Variants in KIRREL3 observed in about 807,000 individuals in gnomAD.
KIRREL3 encodes the protein kin of IRRE-like protein 3.
KIRREL3 carries 36 observed loss-of-function variants against 89.7 expected under a neutral mutation model. The observed-to-expected ratio is 0.40, with a 90% CI of 0.31 to 0.53. The LOEUF (loss-of-function observed/expected upper bound fraction) is 0.53, where lower values mean the gene tolerates loss of function less well. Among genes scored for constraint, KIRREL3 ranks in the 20% least tolerant of loss-of-function variants. The pLI is 0.49. For missense variants in KIRREL3, 864 were observed against 1,056.6 expected, an observed-to-expected ratio of 0.82 and a Z score of 2.53; for synonymous variants, 445 against 441.4, an observed-to-expected ratio of 1.01 and a Z score of -0.10.
Position 126,587,085 on chromosome 11 carries a change from G to A in KIRREL3, c.56-24173C>T, listed in dbSNP as rs149339548. 1.3e-5 allele frequency among the ~76,000 whole-genome samples: 2 copies of A among 152,300 alleles called. No individual in the cohort carries two copies. Among genetic ancestry groups the A allele is most frequent in the African/African-American group, 4.8e-5 (2 of 41,554 alleles). On this transcript the variant is annotated intron_variant, in intron 1 of 16. Coordinates refer to ENST00000525144, the MANE Select transcript of KIRREL3 (RefSeq NM_032531.4). This position sits in a 1 kb window ranked among gnomAD's most constrained non-coding sequence, Gnocchi z 5.2. ...GAGAGATGAATAAACAGGCAACGAC[G>A]ATGCAGTGTGATGGATGCTCCAGTG...
In KIRREL3 at chr11:126,946,204, T is replaced by A. The variant is rs1948615943; in HGVS notation, c.55+54251A>T. On this transcript the variant is annotated intron_variant, in intron 1 of 16. Coordinates refer to ENST00000525144, the MANE Select transcript of KIRREL3 (RefSeq NM_032531.4). The surrounding 1 kb of genome is among the most constrained non-coding windows in gnomAD (Gnocchi z 4.1). Reference sequence around the variant, plus strand: ...GATGCCAGAATTCAAGTTTCAGTTTTTCCCCTTAAAATGACCCTAAATCCC... The same window carrying A: ...GATGCCAGAATTCAAGTTTCAGTTTATCCCCTTAAAATGACCCTAAATCCC... 6.7e-6 allele frequency among the ~76,000 whole-genome samples: 1 copy of A among 149,792 alleles called. No individual in the cohort carries two copies.
rs1364509600 is a variant in KIRREL3 at position 126,769,783 on chromosome 11, G to A, written c.56-206871C>T. Among the ~76,000 whole-genome samples the A allele has an allele frequency of 1.3e-5, 2 of 152,192 alleles. No individual in the cohort carries two copies. Among genetic ancestry groups the A allele is most frequent in the Admixed American group, 6.5e-5 (1 of 15,276 alleles). On this transcript the variant is annotated intron_variant, in intron 1 of 16. Coordinates refer to ENST00000525144, the MANE Select transcript of KIRREL3 (RefSeq NM_032531.4). The surrounding 1 kb of genome is among the most constrained non-coding windows in gnomAD (Gnocchi z 4.3). The stretch of plus-strand genomic sequence containing the variant: ...TCCAGCTGGGGTTCTGGAATCAGAC[G>A]ACGCAGATATGGGTCTGAATATTGG...
At chr11:126,540,228 G>C (rs1938252161) in intron 2 of KIRREL3, among the ~76,000 whole-genome samples, 1 of 152,194 alleles carries the variant, frequency 6.6e-6, no homozygotes, top group Non-Finnish European at 1.5e-5. Context: ...GCTTGATTCT[G>C]ATACACACGT....
chr11:126,719,416 C>T lies in KIRREL3; in HGVS notation c.56-156504G>A, dbSNP rs983904944. Among the ~76,000 whole-genome samples the T allele has an allele frequency of 1.3e-5, 2 of 152,212 alleles. No homozygotes were observed. The highest frequency in any genetic ancestry group is 4.8e-5 in the African/African-American group (2 of 41,442). On this transcript the variant is annotated intron_variant, in intron 1 of 16. Coordinates refer to ENST00000525144, the MANE Select transcript of KIRREL3 (RefSeq NM_032531.4). The surrounding 1 kb of genome is among the most constrained non-coding windows in gnomAD (Gnocchi z 4.7). ...AGTTCCTCCCCATCTCTATTATTCCCAAATGTTGGAGGACCTCAGGGCTTC... is the reference window on the plus strand; with the variant it reads ...AGTTCCTCCCCATCTCTATTATTCCTAAATGTTGGAGGACCTCAGGGCTTC...
intron 1 of KIRREL3, among the ~76,000 whole-genome samples, chr11:126,871,440 G>A (rs1945105195): frequency 6.6e-6 from 1 of 152,090 alleles, no homozygotes; most frequent in African/African-American, 2.4e-5. Flanking sequence ...CTTCATATTT[G>A]CACAAAACTC....
intron 1 of KIRREL3, among the ~76,000 whole-genome samples, chr11:126,868,220 C>G (rs951741141): frequency 2.0e-5 from 3 of 152,180 alleles, no homozygotes; most frequent in Middle Eastern, 3.2e-3. Context: ...AAAAACATTC[C>G]TGTTACGAAG....
In KIRREL3 at chr11:126,817,771, C is replaced by T. The variant is rs1951622758; in HGVS notation, c.55+182684G>A. ...GCATTTGTAGGGCAGCTGGAATAAA[C>T]ATGTGATGGACCCATATCTAGAGGT... On this transcript the variant is annotated intron_variant, in intron 1 of 16. Coordinates refer to ENST00000525144, the MANE Select transcript of KIRREL3 (RefSeq NM_032531.4). The surrounding 1 kb of genome is among the most constrained non-coding windows in gnomAD (Gnocchi z 5.7). 1.3e-5 allele frequency among the ~76,000 whole-genome samples: 2 copies of T among 152,212 alleles called. No individual in the cohort carries two copies. Among genetic ancestry groups the T allele is most frequent in the African/African-American group, 4.8e-5 (2 of 41,464 alleles).
In KIRREL3 at chr11:126,455,584, C is replaced by T. The variant is rs1004091002; in HGVS notation, c.848+765G>A. On this transcript the variant is annotated intron_variant, in intron 7 of 16. Transcript: ENST00000525144. The surrounding 1 kb of genome is among the most constrained non-coding windows in gnomAD (Gnocchi z 6.4). ...CAGGTGGATCACGAGGTCAGGAGAT[C>T]GAGACCATCCTGGCTAACACGGTGA... Among the ~76,000 whole-genome samples, 5 of 150,770 alleles carry T rather than the reference C, an allele frequency of 3.3e-5. No homozygotes were observed. The highest frequency in any genetic ancestry group is 1.3e-4 in the Admixed American group (2 of 15,144).
At chr11:126,505,295 C>G (rs1158078606) in intron 4 of KIRREL3, among the ~76,000 whole-genome samples, 1 of 152,240 alleles carries the variant, frequency 6.6e-6, no homozygotes. Flanking sequence ...ATCAGCCAGG[C>G]ACAGTGGCTC....
chr11:126,792,756 G>A (rs956062527), intron 1 of KIRREL3, among the ~76,000 whole-genome samples: 1 of 152,146 alleles, frequency 6.6e-6, no homozygotes, highest in African/African-American at 2.4e-5. Context: ...AGTGGAAAAA[G>A]CAAATTGGAA....
At chr11:126,714,660 G>A (rs953991638) in intron 1 of KIRREL3, among the ~76,000 whole-genome samples, 1 of 152,130 alleles carries the variant, frequency 6.6e-6, no homozygotes, top group South Asian at 2.1e-4. Flanking sequence ...TTGCACGGTG[G>A]GCTGACTGCC....
At chr11:126,986,067 C>T (rs1949858375) in intron 1 of KIRREL3, among the ~76,000 whole-genome samples, 1 of 152,114 alleles carries the variant, frequency 6.6e-6, no homozygotes, top group Non-Finnish European at 1.5e-5. Context: ...ACCATCACTA[C>T]AGTACTCAGC....
At chr11:126,538,801 G>A (rs764570878) in intron 2 of KIRREL3, among the ~76,000 whole-genome samples, 13 of 152,176 alleles carry the variant, frequency 8.5e-5, no homozygotes, top group African/African-American at 3.1e-4. Context: ...TGCAGGAGGG[G>A]CTGATATGTC....
chr11:126,432,399 G>A lies in KIRREL3; in HGVS notation c.1589-873C>T, dbSNP rs1433534214. On this transcript the variant is annotated intron_variant, in intron 13 of 16. Transcript: ENST00000525144. The surrounding 1 kb of genome is among the most constrained non-coding windows in gnomAD (Gnocchi z 6.2). ...CCCTTCTACAGCTGCAAGTGGGGTC[G>A]GAGCACATGATTTAGGGCCTTGAGG... 6.6e-6 allele frequency among the ~76,000 whole-genome samples: 1 copy of A among 152,116 alleles called. No individual in the cohort carries two copies. Among genetic ancestry groups the A allele is most frequent in the Non-Finnish European group, 1.5e-5 (1 of 68,024 alleles).
intron 1 of KIRREL3, among the ~76,000 whole-genome samples, chr11:126,633,371 A>C (rs1944128637): frequency 6.6e-6 from 1 of 152,046 alleles, no homozygotes. Flanking sequence ...AAACAAACAA[A>C]AAAATTGATT....
At chr11:126,438,347 G>A (rs1005471526) in intron 11 of KIRREL3, among the ~76,000 whole-genome samples, 2 of 152,216 alleles carry the variant, frequency 1.3e-5, no homozygotes, top group Middle Eastern at 3.2e-3. Flanking sequence ...TCGTGTAAGC[G>A]CCTCGTATAT....
chr11:126,923,192 CT>C (rs767538927), intron 1 of KIRREL3, among the ~76,000 whole-genome samples: 283 of 10,818 alleles, frequency 0.026, 57 homozygotes, highest in African/African-American at 0.048. Flanking sequence ...TTCTTCTCTT[CT>C]TCTTCTTCTT....
rs907460718 is a variant in KIRREL3 at position 126,566,404 on chromosome 11, T to A, written c.56-3492A>T. 6.6e-6 allele frequency among the ~76,000 whole-genome samples: 1 copy of A among 152,208 alleles called. No homozygotes were observed. Among genetic ancestry groups the A allele is most frequent in the Non-Finnish European group, 1.5e-5 (1 of 68,040 alleles). On this transcript the variant is annotated intron_variant, in intron 1 of 16. Coordinates refer to ENST00000525144, the MANE Select transcript of KIRREL3 (RefSeq NM_032531.4). The surrounding 1 kb of genome is among the most constrained non-coding windows in gnomAD (Gnocchi z 4.9). ...TGTGCCTTCTCCTGCTCTGAGCCCG[T>A]AGGACCAAGCACAGTGCCTGACACA...
intron 1 of KIRREL3, among the ~76,000 whole-genome samples, chr11:126,858,937 G>A (rs114802287): frequency 3.3e-5 from 5 of 152,202 alleles, no homozygotes; most frequent in Non-Finnish European, 7.3e-5. Flanking sequence ...CAAGGCTGAG[G>A]TTCTGCTCCT....
Sources: gnomAD v4.1 joint callset for allele counts (sites outside exome capture counted in the v4.1 genomes callset) on GRCh38, gnomAD v4.1.1 for gene constraint, Gnocchi (gnomAD v3.1) non-coding constraint, MANE v1.5 for transcripts, NCBI Gene and HGNC (gene_info 2026-07-23, HGNC 2026-07-21) for gene names.